ATP10B: variants seen among roughly 807,000 people sequenced by gnomAD.
ATP10B encodes the protein ATPase phospholipid transporting 10B (putative).
ATP10B carries 122 observed loss-of-function variants against 141.2 expected under a neutral mutation model. The ratio of observed to expected loss-of-function variants is 0.86; its 90% CI spans 0.75 to 1.00. ATP10B has a LOEUF of 1.00. ATP10B is among the 50% of genes least tolerant of loss of function. The probability of loss-of-function intolerance (pLI) is 0.00; values close to 1 mark genes in which losing one functional copy is unlikely to be tolerated. For synonymous variants in ATP10B, 685 were observed against 692.0 expected, an observed-to-expected ratio of 0.99 and a Z score of 0.16; for missense variants, 1,876 against 1,825.3, an observed-to-expected ratio of 1.03 and a Z score of -0.51.
chr5:160,928,690 T>A, the ATP10B span, among the ~76,000 whole-genome samples: 32 of 152,332 alleles, frequency 2.1e-4, no homozygotes, highest in Admixed American at 2.0e-3. Context: ...ATGATTTTTA[T>A]TAGGCACCAT....
At chr5:160,580,251 G>T (rs1007182291) in intron 24 of ATP10B, among the ~76,000 whole-genome samples, 2 of 152,122 alleles carry the variant, frequency 1.3e-5, no homozygotes, top group African/African-American at 4.8e-5. Flanking sequence ...CGGTTTTCAA[G>T]GGGAATGTTT....
At chr5:160,670,403 T>C in intron 7 of ATP10B, 60 bp downstream of exon 7, 2 of 1,560,494 alleles carry the variant, frequency 1.3e-6, no homozygotes, top group Non-Finnish European at 1.8e-6. Flanking sequence ...AATTTTCCAG[T>C]AGGGTAGGCT....
the ATP10B span, among the ~76,000 whole-genome samples, chr5:160,862,062 A>G: frequency 6.6e-6 from 1 of 151,940 alleles, no homozygotes; most frequent in Non-Finnish European, 1.5e-5. Flanking sequence ...ATCCAGCCTC[A>G]TACATAATTG....
rs567990344 is a variant in ATP10B at position 160,563,407 on chromosome 5, T to A, written c.*2046A>T. ...GTCCCAGGCAAACTGGGACGGTTGG[T>A]CCTACAAGAAAAAGAGCAGCATCAG... On this transcript the variant is annotated 3_prime_UTR_variant, in exon 26 of 26. Transcript: ENST00000327245. The A allele has an allele frequency of 1.3e-5, 2 of 152,216 alleles. No homozygotes were observed. The highest frequency in any genetic ancestry group is 4.2e-4 in the South Asian group (2 of 4,810). The allele number at this position is 152,216 out of a possible 1,614,324, so 9.4% of individuals were successfully genotyped here.
In ATP10B at chr5:160,568,827, T is replaced by G. The variant is rs61262364; in HGVS notation, c.3938+669A>C. Among the ~76,000 whole-genome samples the G allele has an allele frequency of 7.1e-4, 108 of 152,342 alleles. 1 individual carries two copies. The highest frequency in any genetic ancestry group is 2.5e-3 in the African/African-American group (106 of 41,590). ...AAGGCAAGGCATTTATAGTTGCTGT[T>G]GCTATTTTTCTGGAAAAGGCACATT... On this transcript the variant is annotated intron_variant, in intron 25 of 25. Coordinates refer to ENST00000327245, the MANE Select transcript of ATP10B (RefSeq NM_025153.3).
intron 2 of ATP10B, among the ~76,000 whole-genome samples, chr5:160,739,975 C>T (rs1009941637): frequency 7.2e-5 from 11 of 152,178 alleles, no homozygotes; most frequent in African/African-American, 2.4e-4. Flanking sequence ...TTGTGCCCAA[C>T]ATTCTTTTCC....
the ATP10B span, among the ~76,000 whole-genome samples, chr5:160,864,985 T>C: frequency 6.6e-6 from 1 of 150,766 alleles, no homozygotes; most frequent in Non-Finnish European, 1.5e-5. Flanking sequence ...TATTGTGAAA[T>C]TGAACATACT....
chr5:160,601,716 T>A (rs1369237092), intron 21 of ATP10B, among the ~76,000 whole-genome samples: 2 of 152,208 alleles, frequency 1.3e-5, no homozygotes, highest in Admixed American at 1.3e-4. Context: ...ATATTATTGA[T>A]GAAAAGATTA....
At chr5:160,735,277 T>C (rs1384970777) in intron 2 of ATP10B, among the ~76,000 whole-genome samples, 5 of 150,972 alleles carry the variant, frequency 3.3e-5, no homozygotes, top group South Asian at 2.1e-4. Context: ...TAAAGATACA[T>C]ACAGATTGAA....
chr5:160,673,052 G>A (rs1762810428), intron 6 of ATP10B, among the ~76,000 whole-genome samples: 4 of 152,196 alleles, frequency 2.6e-5, no homozygotes, highest in East Asian at 1.9e-4. Context: ...AGAACCACAG[G>A]GTTCTGTGGA....
At chr5:160,883,028 G>C in the ATP10B span, among the ~76,000 whole-genome samples, 1 of 152,108 alleles carries the variant, frequency 6.6e-6, no homozygotes, top group African/African-American at 2.4e-5. Context: ...CTAAAAACTA[G>C]GATAAATATA....
chr5:160,828,304 C>T (rs1201503785), intron 1 of ATP10B, among the ~76,000 whole-genome samples: 1 of 152,116 alleles, frequency 6.6e-6, no homozygotes, highest in Non-Finnish European at 1.5e-5. Flanking sequence ...CTTTTGCAAC[C>T]TACTCATCTG....
At chr5:160,825,643 G>A (rs140045518) in intron 1 of ATP10B, among the ~76,000 whole-genome samples, 318 of 152,248 alleles carry the variant, frequency 2.1e-3, no homozygotes, top group African/African-American at 7.3e-3. Context: ...ATTTCCTGCT[G>A]GTTTATCTGT....
intron 3 of ATP10B, among the ~76,000 whole-genome samples, chr5:160,697,917 TACTCCA>T (rs998591456): frequency 6.6e-6 from 1 of 152,154 alleles, no homozygotes; most frequent in African/African-American, 2.4e-5. Context: ...ATAAGAGCTT[TACTCCA>T]ACAGATTTCC....
intron 2 of ATP10B, among the ~76,000 whole-genome samples, chr5:160,767,131 A>C (rs1241939484): frequency 1.3e-5 from 2 of 152,220 alleles, no homozygotes; most frequent in Non-Finnish European, 2.9e-5. Context: ...AAAAAAAGTA[A>C]AAAAAATCCC....
intron 3 of ATP10B, among the ~76,000 whole-genome samples, chr5:160,698,070 G>A (rs1286426460): frequency 6.6e-6 from 1 of 152,136 alleles, no homozygotes; most frequent in African/African-American, 2.4e-5. Flanking sequence ...TGTATTTGGA[G>A]CTCGGATTTC....
intron 24 of ATP10B, among the ~76,000 whole-genome samples, chr5:160,580,443 G>C (rs1428421301): frequency 1.4e-5 from 2 of 142,046 alleles, no homozygotes; most frequent in East Asian, 4.3e-4. Flanking sequence ...CATTGGTTCT[G>C]TTTATGTGAT....
At chr5:160,726,323 A>G (rs1050795337) in intron 2 of ATP10B, among the ~76,000 whole-genome samples, 2 of 152,336 alleles carry the variant, frequency 1.3e-5, no homozygotes, top group African/African-American at 4.8e-5. Context: ...AGACTATTGT[A>G]TAACCAAGGT....
At chr5:160,729,080 A>G (rs767398059) in intron 2 of ATP10B, among the ~76,000 whole-genome samples, 28 of 152,348 alleles carry the variant, frequency 1.8e-4, no homozygotes, top group Non-Finnish European at 3.7e-4. Flanking sequence ...TCTTGGCCTC[A>G]GTTTGCACAT....
Sources: gnomAD v4.1 joint callset for allele counts (sites outside exome capture counted in the v4.1 genomes callset) on GRCh38, gnomAD v4.1.1 for gene constraint, MANE v1.5 for transcripts, NCBI Gene and HGNC (gene_info 2026-07-23, HGNC 2026-07-21) for gene names.